The following PARVB variants were observed in gnomAD, a reference collection of about 807,000 sequenced individuals.
PARVB encodes the protein beta-parvin.
In PARVB, 46 loss-of-function variants were observed where a neutral mutation model predicts 47.0. The ratio of observed to expected loss-of-function variants is 0.98; its 90% CI spans 0.77 to 1.25. The LOEUF (loss-of-function observed/expected upper bound fraction) is 1.25. PARVB is among the 50% of genes most tolerant of loss of function. PARVB has a pLI of 0.00. For missense variants in PARVB, 473 were observed against 471.6 expected (o/e 1.00, Z -0.03); for synonymous variants, 196 against 196.3 (o/e 1.00, Z 0.01).
At chr22:44,081,069 CCAG>C (rs1394865188) in intron 1 of PARVB, among the ~76,000 whole-genome samples, 1 of 152,190 alleles carries the variant, frequency 6.6e-6, no homozygotes, top group Non-Finnish European at 1.5e-5. Context: ...GGTGCAGTCT[CCAG>C]CAGGGGTGTG....
At chr22:44,110,583 CATTTT>C (rs1199254991) in intron 3 of PARVB, 4 of 151,876 alleles carry the variant, frequency 2.6e-5, no homozygotes, top group Admixed American at 1.3e-4. Context: ...TTTACATATG[CATTTT>C]ATTTTATTTT....
chr22:44,052,060 G>A (rs1330370480), intron 1 of PARVB, among the ~76,000 whole-genome samples: 1 of 152,230 alleles, frequency 6.6e-6, no homozygotes, highest in Non-Finnish European at 1.5e-5. Context: ...CTGGCCTCCA[G>A]AACTGGGAGA....
chr22:44,119,629 A>G (rs1444605075), intron 4 of PARVB, among the ~76,000 whole-genome samples: 1 of 152,238 alleles, frequency 6.6e-6, no homozygotes, highest in Non-Finnish European at 1.5e-5. Context: ...TGACTGATGC[A>G]TGGTTTGATG....
chr22:44,132,901 C>T lies in PARVB; in HGVS notation c.525C>T (p.His175=), dbSNP rs34069747. 930 of 1,612,228 alleles carry T rather than the reference C, an allele frequency of 5.8e-4. 6 individuals carry two copies. In the African/African-American group the frequency reaches 0.01, roughly 18 times the overall value. The change falls in exon 6 of 13, where the codon CAC becomes CAT. Residue 175 remains histidine, a synonymous_variant. Coordinates refer to ENST00000338758, the MANE Select transcript of PARVB (RefSeq NM_013327.5). ...TCCTCCTTCCTCCTGCAGCAATTCA[C>T]GGGAAGAACCTGGTGGCCATCCTCC... The part of the protein sequence containing the change: ...WALRWSVDSI[H]GKNLVAILHL...
chr22:44,024,482 G>C, intron 1 of PARVB, 31 bp downstream of exon 1: 3 of 1,103,082 alleles, frequency 2.7e-6, no homozygotes, highest in East Asian at 5.1e-5. Flanking sequence ...GCCGACCCCC[G>C]GGGACCTGCC....
intron 2 of PARVB, among the ~76,000 whole-genome samples, chr22:44,096,190 G>A (rs552099740): frequency 1.3e-5 from 2 of 152,090 alleles, no homozygotes; most frequent in African/African-American, 2.4e-5. Context: ...GCACCACTGC[G>A]CTCCAGCCTG....
At chr22:44,007,371 C>G (rs963571869) in intron 2 of PARVB, among the ~76,000 whole-genome samples, 4 of 152,208 alleles carry the variant, frequency 2.6e-5, no homozygotes, top group Non-Finnish European at 5.9e-5. Context: ...TCTGCACTCC[C>G]ACGCTGGAGG....
At position 44,161,308 on chromosome 22, in the gene PARVB, C is replaced by CTTTTTTTT. The variant is rs769442547; in HGVS notation, c.946-2541_946-2534dup. Among the ~76,000 whole-genome samples the CTTTTTTTT allele has an allele frequency of 1.7e-4, 22 of 128,680 alleles. 2 individuals carry two copies. The highest frequency in any genetic ancestry group is 5.1e-4 in the South Asian group (2 of 3,942). The allele number at this position is 128,680 out of a possible 152,430, so 84.4% of individuals were successfully genotyped here. On this transcript the variant is annotated intron_variant, in intron 11 of 12. Transcript: ENST00000338758. ...GAGCCCCGTGCCTTGTTTTTCTTTT[C>CTTTTTTTT]TTTTTTTTTTTTTTTTGGAGGCGGG... is the stretch of plus-strand genomic sequence containing the variant.
chr22:44,090,199 C>T (rs555089987), intron 1 of PARVB, among the ~76,000 whole-genome samples: 23 of 152,214 alleles, frequency 1.5e-4, no homozygotes, highest in Non-Finnish European at 2.9e-4. Context: ...GGGACTTCCC[C>T]GAAGCCACAC....
rs1390045644 is a variant in PARVB, at chr22:44,089,069, G to A, written c.113-4859G>A. On this transcript the variant is annotated intron_variant, in intron 1 of 12. Coordinates refer to ENST00000338758, the MANE Select transcript of PARVB (RefSeq NM_013327.5). The surrounding 1 kb of genome is among the most constrained non-coding windows in gnomAD (Gnocchi z 4.0). ...CCTGCACTTCCCACTCTGCCATCCCGGGCTGAGCGAGGAGTGCCCGTCTCC... is the reference window on the plus strand; with the variant it reads ...CCTGCACTTCCCACTCTGCCATCCCAGGCTGAGCGAGGAGTGCCCGTCTCC... Among the ~76,000 whole-genome samples, 3 of 152,076 alleles carry A rather than the reference G, an allele frequency of 2.0e-5. No individual in the cohort carries two copies. Among genetic ancestry groups the A allele is most frequent in the Admixed American group, 6.6e-5 (1 of 15,260 alleles).
chr22:44,110,013 T>C (rs1280166244), intron 3 of PARVB: 1 of 141,208 alleles, frequency 7.1e-6, no homozygotes, highest in African/African-American at 2.7e-5. Flanking sequence ...CTTGGGAGGC[T>C]GAGGCAGGAG....
At chr22:44,005,944 T>A (rs960416042) in intron 2 of PARVB, among the ~76,000 whole-genome samples, 1 of 152,188 alleles carries the variant, frequency 6.6e-6, no homozygotes, top group Non-Finnish European at 1.5e-5. Context: ...TTTGTGCGTT[T>A]TGCCCAATTC....
chr22:44,065,736 A>T (rs1297954403), intron 1 of PARVB, among the ~76,000 whole-genome samples: 1 of 152,084 alleles, frequency 6.6e-6, no homozygotes, highest in African/African-American at 2.4e-5. Context: ...TTGGTTTTCT[A>T]TTCCTGAGTT....
intron 4 of PARVB, among the ~76,000 whole-genome samples, chr22:44,121,761 C>T (rs151234235): frequency 1.0e-3 from 158 of 152,306 alleles, no homozygotes; most frequent in African/African-American, 3.5e-3. Context: ...GTTCACACTG[C>T]TACTTCTAAT....
chr22:44,129,861 AT>A (rs1174787077), intron 4 of PARVB, among the ~76,000 whole-genome samples: 1 of 152,184 alleles, frequency 6.6e-6, no homozygotes, highest in East Asian at 1.9e-4. Context: ...TCTGTGCCAT[AT>A]CCAGCACCTA....
Position 44,170,878 on chromosome 22 carries a change from C to G in PARVB, c.*2200C>G, listed in dbSNP as rs1438562797. On this transcript the variant is annotated 3_prime_UTR_variant, in exon 13 of 13. Transcript: ENST00000338758. ...TTGATATGAAATCGAATGCCAACAC[C>G]GAAGTTTTAGAAAACAGTTTAATAT... 6.6e-6 allele frequency: 1 copy of G among 152,200 alleles called. No individual in the cohort carries two copies. Among genetic ancestry groups the G allele is most frequent in the African/African-American group, 2.4e-5 (1 of 41,454 alleles). The allele number at this position is 152,200 out of a possible 1,614,324, so 9.4% of individuals were successfully genotyped here.
chr22:44,098,033 C>T (rs11704505), intron 2 of PARVB, among the ~76,000 whole-genome samples: 12,001 of 152,258 alleles, frequency 0.079, 486 homozygotes, highest in Middle Eastern at 0.12. Context: ...CAGCGAGTTC[C>T]CTGTGGGGGC....
intron 1 of PARVB, among the ~76,000 whole-genome samples, chr22:44,074,356 C>T (rs529182622): frequency 6.6e-5 from 10 of 152,334 alleles, no homozygotes; most frequent in Admixed American, 5.2e-4. Context: ...TGGCTAGTGG[C>T]GCCTCCTGGC....
chr22:44,157,976 C>T lies in PARVB; in HGVS notation c.844-6C>T. 6.2e-7 allele frequency: 1 copy of T among 1,607,704 alleles called. No individual in the cohort carries two copies. Among genetic ancestry groups the T allele is most frequent in the East Asian group, 2.2e-5 (1 of 44,844 alleles). ...GCCCGGAAACATCACAAGTCTTTCT[C>T]TGCAGTTTGCAGATGGCGTGTACCT... is the stretch of plus-strand genomic sequence containing the variant. On this transcript the variant is annotated splice_polypyrimidine_tract_variant and splice_region_variant and intron_variant, in intron 10 of 12. Transcript: ENST00000338758.
Sources: gnomAD v4.1 joint callset for allele counts (sites outside exome capture counted in the v4.1 genomes callset) on GRCh38, gnomAD v4.1.1 for gene constraint, Gnocchi (gnomAD v3.1) non-coding constraint, MANE v1.5 for transcripts, NCBI Gene and HGNC (gene_info 2026-07-23, HGNC 2026-07-21) for gene names.